ST7L: variants seen among roughly 807,000 people sequenced by gnomAD.
ST7L encodes suppression of tumorigenicity 7 like.
Under a neutral mutation model 72.5 loss-of-function variants are expected in ST7L, and 57 were observed. The observed-to-expected ratio is 0.79, with a 90% CI of 0.64 to 0.98. The LOEUF is 0.98. ST7L is among the 50% of genes least tolerant of loss of function. The pLI, the probability that ST7L is intolerant of heterozygous loss-of-function variation, is 0.00. For synonymous variants in ST7L, 221 were observed against 240.9 expected (o/e 0.92, Z 0.77); for missense variants, 576 against 672.2 (o/e 0.86, Z 1.58).
intron 7 of ST7L, among the ~76,000 whole-genome samples, chr1:112,582,845 T>C (rs1034998739): frequency 6.6e-6 from 1 of 152,184 alleles, no homozygotes; most frequent in African/African-American, 2.4e-5. Context: ...TATTTAAGTT[T>C]GTGCATAAAT....
intron 9 of ST7L, among the ~76,000 whole-genome samples, chr1:112,580,734 C>T (rs1663970893): frequency 6.6e-6 from 1 of 152,076 alleles, no homozygotes; most frequent in Non-Finnish European, 1.5e-5. Flanking sequence ...ACCATCCTGG[C>T]CAACATGGTG....
chr1:112,560,061 C>A (rs187615219), intron 11 of ST7L, among the ~76,000 whole-genome samples: 2 of 152,188 alleles, frequency 1.3e-5, no homozygotes, highest in East Asian at 3.9e-4. Flanking sequence ...GGTGGTCCTA[C>A]CCACCAGCAA....
chr1:112,580,064 A>G (rs1663838335), intron 9 of ST7L, among the ~76,000 whole-genome samples: 1 of 152,230 alleles, frequency 6.6e-6, no homozygotes, highest in Admixed American at 6.5e-5. Context: ...TCCAAGTATA[A>G]CACATTTCAA....
intron 3 of ST7L, among the ~76,000 whole-genome samples, chr1:112,602,577 G>C (rs1454462130): frequency 6.6e-6 from 1 of 152,096 alleles, no homozygotes; most frequent in Non-Finnish European, 1.5e-5. Context: ...CATTATAGCA[G>C]GTATGATGGT....
chr1:112,613,295 T>C (rs1185162631), intron 2 of ST7L, among the ~76,000 whole-genome samples: 3 of 151,518 alleles, frequency 2.0e-5, no homozygotes, highest in African/African-American at 7.3e-5. Flanking sequence ...CAAATACTTA[T>C]CAAAAGCTTT....
At position 112,557,538 on chromosome 1, in the gene ST7L, T is replaced by C. The variant is rs375355561; in HGVS notation, c.1246-1520A>G. On this transcript the variant is annotated intron_variant, in intron 11 of 14. Coordinates refer to ENST00000358039, the MANE Select transcript of ST7L (RefSeq NM_017744.5). ...TTTAGCTTTCGGCTATTATGAATAA[T>C]GTTGTTATAAACACTTGTGTATAAG... Among the ~76,000 whole-genome samples, 13 of 152,364 alleles carry C rather than the reference T, an allele frequency of 8.5e-5. No homozygotes were observed. In the East Asian group the frequency reaches 2.3e-3, roughly 27 times the overall value.
At chr1:112,554,926 T>A (rs1474588439) in intron 12 of ST7L, among the ~76,000 whole-genome samples, 1 of 151,436 alleles carries the variant, frequency 6.6e-6, no homozygotes, top group East Asian at 1.9e-4. Flanking sequence ...GTACCTAGAG[T>A]AGTCAAACTC....
chr1:112,568,861 A>AATATATATAAATATATATAT (rs1410937307), intron 11 of ST7L, among the ~76,000 whole-genome samples: 8 of 114,914 alleles, frequency 7.0e-5, no homozygotes, highest in African/African-American at 2.8e-4. Context: ...TATAAATATA[A>AATATATATAAATATATATAT]ATATATATAT....
intron 7 of ST7L, 149 bp from the exon 8 acceptor site, chr1:112,582,621 T>G: frequency 1.9e-6 from 1 of 514,344 alleles, no homozygotes; most frequent in Non-Finnish European, 3.4e-6. Flanking sequence ...TAATGATGTC[T>G]ACATTTGGAT....
Position 112,591,552 on chromosome 1 carries a change from G to A in ST7L, c.674C>T (p.Ala225Val), listed in dbSNP as rs1275266310. 4.3e-6 allele frequency: 7 copies of A among 1,610,836 alleles called. No individual in the cohort carries two copies. In the East Asian group the frequency reaches 1.3e-4, roughly 31 times the overall value. Reference protein sequence around the residue: ...ERNPPARIKAAYQALELNNDC... With the variant: ...ERNPPARIKAVYQALELNNDC... ...ATTGTTTAATTCTAAAGCTTGATAG[G>A]CTGCTTTGATTCGAGCTGGAGGATT... The change falls in exon 6 of 15, where the codon GCC becomes GTC. Residue 225 changes from alanine to valine, a missense_variant. Ala to Val is a moderately conservative substitution (Grantham distance 64, BLOSUM62 0). This residue lies in a region of ST7L where 511 missense variants were observed against 600.7 expected (regional missense o/e 0.85). Transcript: ENST00000358039.
intron 12 of ST7L, among the ~76,000 whole-genome samples, chr1:112,551,767 T>C (rs1557965784): frequency 6.6e-6 from 1 of 152,210 alleles, no homozygotes; most frequent in Non-Finnish European, 1.5e-5. Context: ...TACATAAATC[T>C]TTAACGTTGT....
chr1:112,545,403 C>T (rs979416143), intron 13 of ST7L, among the ~76,000 whole-genome samples: 1 of 152,116 alleles, frequency 6.6e-6, no homozygotes, highest in Non-Finnish European at 1.5e-5. Flanking sequence ...CAAAGGAGGG[C>T]ATTATTTTAG....
rs1258999750 is a variant in ST7L, at chr1:112,582,084, A to G, written c.977T>C (p.Leu326Pro). 3 of 1,611,560 alleles carry G rather than the reference A, an allele frequency of 1.9e-6. No individual in the cohort carries two copies. Among genetic ancestry groups the G allele is most frequent in the Admixed American group, 3.3e-5 (2 of 59,972 alleles). ...ATTTTCATGGATGTTCAACATGGTA[A>G]GAGGAGGAAATTCTTTCATCAACTG... ...MRDLMKEFPP[L>P]TMLNIHENLL... is the part of the protein sequence containing the mutation. The change falls in exon 9 of 15, where the codon CTT becomes CCT. Residue 326 changes from leucine (L) to proline (P), a missense_variant. This residue lies in a region of ST7L where 511 missense variants were observed against 600.7 expected (regional missense o/e 0.85). Transcript: ENST00000358039.
At chr1:112,538,267 A>G (rs1270619218) in intron 14 of ST7L, among the ~76,000 whole-genome samples, 1 of 152,222 alleles carries the variant, frequency 6.6e-6, no homozygotes, top group South Asian at 2.1e-4. Flanking sequence ...TCTACAAGGT[A>G]GTTTGCCAGT....
chr1:112,617,136 C>A, intron 1 of ST7L: 14 of 247,490 alleles, frequency 5.7e-5, no homozygotes, highest in South Asian at 8.2e-5. Context: ...ACTTATAAGT[C>A]ATAATTTAGA....
chr1:112,615,935 T>C (rs1339762495), intron 2 of ST7L, among the ~76,000 whole-genome samples: 1 of 152,098 alleles, frequency 6.6e-6, no homozygotes, highest in Admixed American at 6.6e-5. Context: ...CGGAGTTTCA[T>C]CATGTTGGCC....
chr1:112,555,778 G>A (rs370359113), intron 12 of ST7L, 90 bp downstream of exon 12: 1 of 1,250,836 alleles, frequency 8.0e-7, no homozygotes, highest in Non-Finnish European at 1.1e-6. Context: ...AATCCTTATG[G>A]AAACCCAGAC....
At chr1:112,618,710 T>C (rs1372209272) in intron 1 of ST7L, 199 bp downstream of exon 1, 28 of 1,199,928 alleles carry the variant, frequency 2.3e-5, no homozygotes, top group Admixed American at 2.9e-5. Flanking sequence ...TTAAGAGTTC[T>C]ACGGAGGAGC....
chr1:112,598,151 C>T (rs1395548207), intron 4 of ST7L, 65 bp from the exon 5 acceptor site: 7 of 1,162,480 alleles, frequency 6.0e-6, no homozygotes, highest in Non-Finnish European at 7.4e-6. Context: ...CTATAACAGA[C>T]ACTACTTAAA....
Sources: allele counts gnomAD v4.1 joint callset (sites outside exome capture counted in the v4.1 genomes callset), GRCh38; gene constraint gnomAD v4.1.1; regional missense constraint gnomAD v4.1.1; transcripts MANE v1.5; gene names NCBI Gene and HGNC (gene_info 2026-07-23, HGNC 2026-07-21).